CSMD1: variants seen among roughly 807,000 people sequenced by gnomAD.
CSMD1 encodes CUB and Sushi multiple domains 1.
Under a neutral mutation model 417.5 loss-of-function variants are expected in CSMD1, and 213 were observed. That is an observed-to-expected ratio of 0.51 (90% CI 0.46 to 0.57). The LOEUF (loss-of-function observed/expected upper bound fraction) is 0.57. Among genes scored for constraint, CSMD1 ranks in the 20% least tolerant of loss-of-function variants. The pLI is 0.00. For synonymous variants in CSMD1, 2,862 were observed against 1,736.8 expected (o/e 1.65, Z -16.11); for missense variants, 6,923 against 4,529.7 (o/e 1.53, Z -15.17).
chr8:4,582,732 TGAG>T (rs1799480040), intron 2 of CSMD1, among the ~76,000 whole-genome samples: 1 of 152,166 alleles, frequency 6.6e-6, no homozygotes, highest in Non-Finnish European at 1.5e-5. Flanking sequence ...TGGTGGCACT[TGAG>T]GAGCCCTTTG....
chr8:3,787,749 G>C (rs1799526342), intron 5 of CSMD1, among the ~76,000 whole-genome samples: 1 of 152,134 alleles, frequency 6.6e-6, no homozygotes, highest in Non-Finnish European at 1.5e-5. Flanking sequence ...CCCTGTATGG[G>C]GAAGTTAAGA....
chr8:3,920,478 C>T (rs764988736), intron 5 of CSMD1, among the ~76,000 whole-genome samples: 2 of 151,946 alleles, frequency 1.3e-5, no homozygotes, highest in African/African-American at 2.4e-5. Flanking sequence ...TATTCTTTTA[C>T]TTTCCTAATT....
At chr8:3,332,459 G>T (rs891916082) in intron 23 of CSMD1, among the ~76,000 whole-genome samples, 3 of 152,240 alleles carry the variant, frequency 2.0e-5, no homozygotes, top group African/African-American at 7.2e-5. Flanking sequence ...GAGCTGCAGT[G>T]AGGCTGATGC....
intron 3 of CSMD1, among the ~76,000 whole-genome samples, chr8:4,047,275 G>A (rs187495406): frequency 1.8e-4 from 28 of 152,200 alleles, no homozygotes; most frequent in Middle Eastern, 3.4e-3. Context: ...ATTCTGGAGT[G>A]GGAGGAAGGG....
chr8:4,393,305 G>T (rs558131393), intron 3 of CSMD1, among the ~76,000 whole-genome samples: 2 of 152,226 alleles, frequency 1.3e-5, no homozygotes, highest in Non-Finnish European at 2.9e-5. Context: ...AGGTGCTTTA[G>T]AAATAAAAGG....
intron 10 of CSMD1, among the ~76,000 whole-genome samples, chr8:3,526,060 T>C (rs17066323): frequency 0.012 from 1,799 of 152,320 alleles, 19 homozygotes; most frequent in Non-Finnish European, 0.02. Context: ...TGGGTATATG[T>C]AGCTTCAAAG....
intron 3 of CSMD1, among the ~76,000 whole-genome samples, chr8:4,188,226 A>C (rs1798798530): frequency 6.6e-6 from 1 of 152,118 alleles, no homozygotes; most frequent in Admixed American, 6.5e-5. Flanking sequence ...GTAAAATTTG[A>C]CTCTGAGGAC....
chr8:4,285,364 C>G (rs1160335661), intron 3 of CSMD1, among the ~76,000 whole-genome samples: 1 of 152,140 alleles, frequency 6.6e-6, no homozygotes, highest in Non-Finnish European at 1.5e-5. Context: ...GAAACTGCAG[C>G]CTTTCTATTC....
intron 6 of CSMD1, among the ~76,000 whole-genome samples, chr8:3,717,317 T>G (rs1045986215): frequency 6.6e-6 from 1 of 152,234 alleles, no homozygotes; most frequent in Non-Finnish European, 1.5e-5. Context: ...TGAACTTGTA[T>G]GTCAGTTGTT....
chr8:4,023,133 G>A (rs572160825), intron 4 of CSMD1, among the ~76,000 whole-genome samples: 3 of 152,174 alleles, frequency 2.0e-5, no homozygotes, highest in Non-Finnish European at 4.4e-5. Context: ...GCACTCTAAT[G>A]TGTGGAGGAA....
In CSMD1 at chr8:3,708,457, G is replaced by A; in HGVS notation, c.966C>T (p.Val322=). The A allele has an allele frequency of 6.2e-7, 1 of 1,613,884 alleles. No individual in the cohort carries two copies. The highest frequency in any genetic ancestry group is 1.3e-5 in the African/African-American group (1 of 74,978). The change falls in exon 7 of 70, where the codon GTC becomes GTT. Residue 322 remains valine, a synonymous_variant. Transcript: ENST00000635120. The part of the protein sequence containing the change: ...KKAIELKSRG[V]KMLPSKDGSH... ...TTCCATCCTTGCTGGGCAGCATCTT[G>A]ACTCCTCTTGACTTCAACTCAATCG...
At chr8:4,829,094 G>C (rs887628942) in intron 1 of CSMD1, among the ~76,000 whole-genome samples, 5 of 152,154 alleles carry the variant, frequency 3.3e-5, no homozygotes, top group Non-Finnish European at 7.4e-5. Flanking sequence ...ATTTAACAAA[G>C]AGGTGGCTAA....
chr8:4,830,844 T>C (rs1412674235), intron 1 of CSMD1, among the ~76,000 whole-genome samples: 1 of 152,148 alleles, frequency 6.6e-6, no homozygotes, highest in Non-Finnish European at 1.5e-5. Flanking sequence ...AGAAATCAGC[T>C]AAGTGAAGAA....
intron 5 of CSMD1, among the ~76,000 whole-genome samples, chr8:3,921,175 T>G (rs1563213183): frequency 6.6e-6 from 1 of 152,148 alleles, no homozygotes; most frequent in Admixed American, 6.6e-5. Flanking sequence ...TTCTGTTTAT[T>G]TACGATTCAT....
At chr8:3,853,118 G>C (rs539653245) in intron 5 of CSMD1, among the ~76,000 whole-genome samples, 11 of 152,150 alleles carry the variant, frequency 7.2e-5, no homozygotes, top group African/African-American at 2.4e-4. Context: ...TCCAAAAGCA[G>C]CAGTGGCAGC....
intron 1 of CSMD1, among the ~76,000 whole-genome samples, chr8:4,803,979 A>C (rs1419633324): frequency 2.0e-5 from 3 of 152,242 alleles, no homozygotes; most frequent in African/African-American, 7.2e-5. Context: ...ATCGTAAGTC[A>C]AAGACGGCAG....
At chr8:3,838,541 A>G (rs1802859091) in intron 5 of CSMD1, among the ~76,000 whole-genome samples, 1 of 126,370 alleles carries the variant, frequency 7.9e-6, no homozygotes, top group Admixed American at 7.8e-5. Flanking sequence ...TATAGTCTAT[A>G]TATGTACTCT....
intron 2 of CSMD1, among the ~76,000 whole-genome samples, chr8:4,437,206 A>C (rs1798198180): frequency 6.6e-6 from 1 of 152,240 alleles, no homozygotes; most frequent in African/African-American, 2.4e-5. Context: ...AAATCAAATC[A>C]ATGACTGACC....
intron 10 of CSMD1, among the ~76,000 whole-genome samples, chr8:3,495,776 C>G (rs1445284961): frequency 6.6e-6 from 1 of 152,164 alleles, no homozygotes; most frequent in Non-Finnish European, 1.5e-5. Context: ...AAGTTGTGAG[C>G]AACTTTAATG....
Sources: gnomAD v4.1 joint callset for allele counts (sites outside exome capture counted in the v4.1 genomes callset) on GRCh38, gnomAD v4.1.1 for gene constraint, MANE v1.5 for transcripts, NCBI Gene and HGNC (gene_info 2026-07-23, HGNC 2026-07-21) for gene names.